Variants in LMX1A observed in about 807,000 individuals in gnomAD.
The protein encoded by LMX1A is LIM homeobox transcription factor 1-alpha.
In LMX1A, 15 loss-of-function variants were observed where a neutral mutation model predicts 49.1. That is an observed-to-expected ratio of 0.31 (90% confidence interval 0.20 to 0.47). LMX1A has a LOEUF of 0.47. Among genes scored for constraint, LMX1A ranks in the 20% least tolerant of loss-of-function variants. The pLI, the probability that LMX1A is intolerant of heterozygous loss-of-function variation, is 1.00. For missense variants in LMX1A, 372 were observed against 475.8 expected (o/e 0.78, Z 2.03); for synonymous variants, 167 against 185.7 (o/e 0.90, Z 0.82).
chr1:165,277,869 A>T (rs955877833), intron 3 of LMX1A, among the ~76,000 whole-genome samples: 1 of 152,222 alleles, frequency 6.6e-6, no homozygotes, highest in African/African-American at 2.4e-5. Flanking sequence ...GTTCTTACCC[A>T]GGGGACTCTA....
At chr1:165,230,971 T>C (rs1002456745) in intron 4 of LMX1A, among the ~76,000 whole-genome samples, 2 of 152,202 alleles carry the variant, frequency 1.3e-5, no homozygotes, top group African/African-American at 2.4e-5. Flanking sequence ...TGCACTCAAC[T>C]CAGAGGGTGG....
At chr1:165,279,862 C>T (rs529466078) in intron 3 of LMX1A, among the ~76,000 whole-genome samples, 2 of 152,066 alleles carry the variant, frequency 1.3e-5, no homozygotes, top group Admixed American at 6.5e-5. Flanking sequence ...TTTACATGAC[C>T]CTTTTCCATC....
In LMX1A at chr1:165,355,439, A is replaced by T; in HGVS notation, c.76+45T>A. ...GAGCGGGGCTCCAGAGCTCAGCGCC[A>T]AGCGGAAAGAGAGTGCGCCCAGGAC... is the stretch of plus-strand genomic sequence containing the variant. On this transcript the variant is annotated intron_variant, in intron 2 of 8. Coordinates refer to ENST00000342310, the MANE Select transcript of LMX1A (RefSeq NM_177398.4). This position sits in a 1 kb window ranked among gnomAD's most constrained non-coding sequence, Gnocchi z 4.7. 1 of 1,598,012 alleles carries T rather than the reference A, an allele frequency of 6.3e-7. No homozygotes were observed. The highest frequency in any genetic ancestry group is 8.6e-7 in the Non-Finnish European group (1 of 1,167,090).
intron 4 of LMX1A, among the ~76,000 whole-genome samples, chr1:165,245,378 T>A (rs1183024777): frequency 6.6e-6 from 1 of 152,214 alleles, no homozygotes; most frequent in East Asian, 1.9e-4. Flanking sequence ...AGTTTGACCC[T>A]TTATCAGACA....
chr1:165,298,537 C>T (rs927996551), intron 3 of LMX1A, among the ~76,000 whole-genome samples: 9 of 152,194 alleles, frequency 5.9e-5, no homozygotes, highest in Non-Finnish European at 1.0e-4. Context: ...ATTTTACCTG[C>T]CATTCTGGAT....
intron 3 of LMX1A, among the ~76,000 whole-genome samples, chr1:165,301,155 GTA>G (rs149217113): frequency 0.15 from 23,363 of 152,106 alleles, 1,956 homozygotes; most frequent in Non-Finnish European, 0.18. Context: ...CAGCTACACT[GTA>G]CCATCTGTGG....
At chr1:165,318,290 C>T (rs1000651581) in intron 3 of LMX1A, among the ~76,000 whole-genome samples, 1 of 152,122 alleles carries the variant, frequency 6.6e-6, no homozygotes, top group Non-Finnish European at 1.5e-5. Flanking sequence ...AAATGAAAAT[C>T]GGAGTCCTTC....
chr1:165,310,857 A>G (rs967784137), intron 3 of LMX1A, among the ~76,000 whole-genome samples: 1 of 152,224 alleles, frequency 6.6e-6, no homozygotes, highest in Non-Finnish European at 1.5e-5. Flanking sequence ...CAAGGACTTG[A>G]GAAAGTATGT....
intron 3 of LMX1A, among the ~76,000 whole-genome samples, chr1:165,325,471 G>A (rs1452002947): frequency 2.0e-5 from 3 of 151,136 alleles, no homozygotes; most frequent in Non-Finnish European, 4.4e-5. Flanking sequence ...ATGTGTGTGT[G>A]TGTGTGTGTA....
At chr1:165,308,975 A>T (rs554316897) in intron 3 of LMX1A, among the ~76,000 whole-genome samples, 2 of 152,150 alleles carry the variant, frequency 1.3e-5, no homozygotes, top group South Asian at 4.1e-4. Flanking sequence ...ATTATAGATG[A>T]TGCTAAGAAA....
intron 4 of LMX1A, among the ~76,000 whole-genome samples, chr1:165,224,245 A>G (rs539705159): frequency 6.6e-6 from 1 of 152,318 alleles, no homozygotes; most frequent in South Asian, 2.1e-4. Context: ...GCCTCCCCAG[A>G]AGCCAAGCAG....
chr1:165,320,132 T>A (rs992263765), intron 3 of LMX1A, among the ~76,000 whole-genome samples: 1 of 152,214 alleles, frequency 6.6e-6, no homozygotes, highest in Non-Finnish European at 1.5e-5. Context: ...AAAACTGGAA[T>A]AGAAAATTGG....
intron 3 of LMX1A, among the ~76,000 whole-genome samples, chr1:165,288,413 G>A (rs16842092): frequency 0.059 from 8,939 of 152,202 alleles, 879 homozygotes; most frequent in African/African-American, 0.21. Context: ...CAACCACTTA[G>A]CTCTTATTTC....
chr1:165,356,340 G>C lies in LMX1A; in HGVS notation c.-23+15C>G, dbSNP rs1465058189. On this transcript the variant is annotated intron_variant, in intron 1 of 8. Coordinates refer to ENST00000342310, the MANE Select transcript of LMX1A (RefSeq NM_177398.4). ...CCGCCCGAGCCACAGCCTAGGCACG[G>C]GCAGCCTTACTTACCTGGTAGGCGA... 3 of 152,448 alleles carry C rather than the reference G, an allele frequency of 2.0e-5. No individual in the cohort carries two copies. The highest frequency in any genetic ancestry group is 1.3e-4 in the Admixed American group (2 of 15,314). 9.4% of individuals were successfully genotyped at this position (152,448 alleles called of 1,614,324 possible). A position where few individuals can be genotyped will look rare whatever the true frequency, so the allele number is the denominator to read the frequency against.
chr1:165,221,419 T>C (rs895014340), intron 4 of LMX1A, among the ~76,000 whole-genome samples: 1 of 151,920 alleles, frequency 6.6e-6, no homozygotes, highest in African/African-American at 2.4e-5. Flanking sequence ...TATCCTGCCC[T>C]GCCACTGCAA....
intron 3 of LMX1A, among the ~76,000 whole-genome samples, chr1:165,284,232 A>G (rs1024573395): frequency 4.6e-5 from 7 of 152,244 alleles, no homozygotes; most frequent in African/African-American, 1.7e-4. Context: ...AAGTAAGTAT[A>G]TGAAAGCACT....
At chr1:165,208,875 C>A (rs1443960836) in intron 6 of LMX1A, among the ~76,000 whole-genome samples, 1 of 152,172 alleles carries the variant, frequency 6.6e-6, no homozygotes, top group East Asian at 1.9e-4. Flanking sequence ...TCTCGATCTC[C>A]TGATCTCGTG....
At chr1:165,235,637 C>T (rs940454189) in intron 4 of LMX1A, among the ~76,000 whole-genome samples, 17 of 152,148 alleles carry the variant, frequency 1.1e-4, no homozygotes, top group Non-Finnish European at 1.8e-4. Flanking sequence ...CGCGGGGCGG[C>T]GCGGACCCGG....
In LMX1A at chr1:165,213,770, C is replaced by T; in HGVS notation, c.540G>A (p.Gly180=). Residue 180 remains glycine, a synonymous_variant, in exon 5 of 9, where the codon GGG becomes GGA. Transcript: ENST00000342310. ...CTTCCTCAGCAGTTCCTTTCCCTGC[C>T]CCATGGGCTGACTTGCAGAGACTTT... ...DEESLCKSAH[G]AGKGTAEEGK... is the part of the protein sequence containing the mutation. 1 of 1,614,174 alleles carries T rather than the reference C, an allele frequency of 6.2e-7. No homozygotes were observed. Among genetic ancestry groups the T allele is most frequent in the Non-Finnish European group, 8.5e-7 (1 of 1,180,032 alleles).
Sources: gnomAD v4.1 joint callset for allele counts (sites outside exome capture counted in the v4.1 genomes callset) on GRCh38, gnomAD v4.1.1 for gene constraint, Gnocchi (gnomAD v3.1) non-coding constraint, MANE v1.5 for transcripts, NCBI Gene and HGNC (gene_info 2026-07-23, HGNC 2026-07-21) for gene names.